GPC5: variants seen among roughly 807,000 people sequenced by gnomAD.
GPC5 encodes the protein glypican 5, also known as glypican-5.
A neutral mutation model predicts 53.9 loss-of-function variants in GPC5; 47 were observed. The observed-to-expected ratio is 0.87, with a 90% CI of 0.69 to 1.11. The LOEUF is 1.11. Ranked by LOEUF, GPC5 falls within the 50% of genes most tolerant of loss-of-function variation. The pLI, the probability that GPC5 is intolerant of heterozygous loss-of-function variation, is 0.00. For missense variants in GPC5, 748 were observed against 713.1 expected (o/e 1.05, Z -0.56); for synonymous variants, 286 against 263.3 (o/e 1.09, Z -0.84).
chr13:91,453,900 T>C (rs1881362374), intron 2 of GPC5, among the ~76,000 whole-genome samples: 1 of 152,076 alleles, frequency 6.6e-6, no homozygotes, highest in African/African-American at 2.4e-5. Flanking sequence ...AGTGTCAAAA[T>C]GTTAAATCCA....
intron 3 of GPC5, among the ~76,000 whole-genome samples, chr13:91,717,382 G>A (rs1475312711): frequency 6.6e-6 from 1 of 152,150 alleles, no homozygotes; most frequent in Admixed American, 6.5e-5. Context: ...ATTAATTGGG[G>A]GACCTGGAGG....
chr13:92,767,154 T>C (rs1056682754), intron 7 of GPC5, among the ~76,000 whole-genome samples: 2 of 152,146 alleles, frequency 1.3e-5, no homozygotes, highest in African/African-American at 4.8e-5. Context: ...TGTTTGTTTT[T>C]CTCTGTTAAC....
chr13:91,677,362 A>G (rs1269286935), intron 2 of GPC5, among the ~76,000 whole-genome samples: 1 of 152,248 alleles, frequency 6.6e-6, no homozygotes, highest in Non-Finnish European at 1.5e-5. Flanking sequence ...AAATTTTGAA[A>G]AAGAAATAGA....
chr13:91,635,402 C>T (rs2034261577), intron 2 of GPC5, among the ~76,000 whole-genome samples: 2 of 151,932 alleles, frequency 1.3e-5, no homozygotes. Context: ...AGGTATTTTT[C>T]AAATTAATGT....
chr13:91,866,833 G>A (rs1215594085), intron 5 of GPC5, among the ~76,000 whole-genome samples: 6 of 152,158 alleles, frequency 3.9e-5, no homozygotes, highest in Non-Finnish European at 5.9e-5. Context: ...AATTTTGCAT[G>A]TGACTTTAAA....
At chr13:91,710,947 T>A (rs2036212152) in intron 3 of GPC5, among the ~76,000 whole-genome samples, 2 of 152,208 alleles carry the variant, frequency 1.3e-5, no homozygotes, top group South Asian at 4.1e-4. Context: ...TCCACGCAGA[T>A]CATGTCAAAG....
At chr13:92,389,546 A>G (rs1874900518) in intron 7 of GPC5, among the ~76,000 whole-genome samples, 1 of 152,146 alleles carries the variant, frequency 6.6e-6, no homozygotes, top group Non-Finnish European at 1.5e-5. Flanking sequence ...TTGATCTGAT[A>G]AACTTACTAC....
intron 6 of GPC5, among the ~76,000 whole-genome samples, chr13:92,072,801 C>G (rs6492579): frequency 0.56 from 84,210 of 151,378 alleles, 23,695 homozygotes; most frequent in East Asian, 0.79. Context: ...GAATTCCTGC[C>G]CTGAAGCGAT....
At position 91,544,380 on chromosome 13, in the gene GPC5, G is replaced by T. The variant is rs200470675; in HGVS notation, c.325+95458G>T. 2.1e-4 allele frequency among the ~76,000 whole-genome samples: 32 copies of T among 152,126 alleles called. 1 individual carries two copies. The East Asian group carries it at 5.6e-3, about 27-fold the overall frequency. ...ACTACAGTTATTGTCTAGTTATATT[G>T]TATAGTGGTTAGAGATTGTGGGCAG... On this transcript the variant is annotated intron_variant, in intron 2 of 7. Transcript: ENST00000377067.
intron 7 of GPC5, among the ~76,000 whole-genome samples, chr13:92,621,202 CT>C (rs1206030366): frequency 1.3e-5 from 2 of 152,144 alleles, no homozygotes; most frequent in African/African-American, 4.8e-5. Flanking sequence ...ATGTTATCCT[CT>C]GGCTGAGGCA....
At chr13:92,685,360 A>C (rs1594418473) in intron 7 of GPC5, among the ~76,000 whole-genome samples, 1 of 151,818 alleles carries the variant, frequency 6.6e-6, no homozygotes, top group Non-Finnish European at 1.5e-5. Flanking sequence ...CTCCCAAAGT[A>C]CTAGGATTAC....
intron 7 of GPC5, among the ~76,000 whole-genome samples, chr13:92,531,709 T>C (rs1237224954): frequency 6.6e-6 from 1 of 152,194 alleles, no homozygotes; most frequent in Non-Finnish European, 1.5e-5. Context: ...TTGCCTCTGT[T>C]GACAACGAAG....
intron 7 of GPC5, among the ~76,000 whole-genome samples, chr13:92,802,978 G>C (rs187961542): frequency 1.5e-3 from 222 of 152,014 alleles, no homozygotes; most frequent in African/African-American, 5.1e-3. Flanking sequence ...TTTGGAACCT[G>C]AAGCTAATGA....
At chr13:91,836,774 C>T (rs1471642605) in intron 5 of GPC5, among the ~76,000 whole-genome samples, 1 of 151,620 alleles carries the variant, frequency 6.6e-6, no homozygotes, top group Non-Finnish European at 1.5e-5. Context: ...ACAAATTAGT[C>T]TGACTCAAAA....
At chr13:91,874,037 T>C (rs1288281960) in intron 5 of GPC5, among the ~76,000 whole-genome samples, 1 of 152,132 alleles carries the variant, frequency 6.6e-6, no homozygotes, top group Non-Finnish European at 1.5e-5. Context: ...GAAATGTGAA[T>C]CCATATCTCC....
rs1210721774 is a variant in GPC5 at position 91,571,784 on chromosome 13, TATACGTGTGTGTATATATACACACAC to T, written c.326-121379_326-121354del. Among the ~76,000 whole-genome samples the T allele has an allele frequency of 3.9e-3, 486 of 125,438 alleles. 81 individuals carry two copies. The highest frequency in any genetic ancestry group is 9.1e-3 in the African/African-American group (298 of 32,592). The allele number at this position is 125,438 out of a possible 152,430, so 82.3% of individuals were successfully genotyped here. A position where few individuals can be genotyped will look rare whatever the true frequency, so the allele number is the denominator to read the frequency against. On this transcript the variant is annotated intron_variant, in intron 2 of 7. Coordinates refer to ENST00000377067, the MANE Select transcript of GPC5 (RefSeq NM_004466.6). ...ATGTGTATGTGTATATACACACACA[TATACGTGTGTGTATATATACACACAC>T]ATACGTGTGTGTATATATACACATA...
chr13:92,734,554 T>C lies in GPC5; in HGVS notation c.1562-131728T>C, dbSNP rs1156734151. Among the ~76,000 whole-genome samples the C allele has an allele frequency of 3.3e-5, 5 of 151,918 alleles. No individual in the cohort carries two copies. The Admixed American group carries it at 3.3e-4, about 10-fold the overall frequency. ...AATTAAACAAGATAAAGAAGCACCC[T>C]TGTTTTATTTGCAGAAGTATATTTC... is the stretch of plus-strand genomic sequence containing the variant. On this transcript the variant is annotated intron_variant, in intron 7 of 7. Transcript: ENST00000377067.
At chr13:91,552,313 C>A (rs1181186098) in intron 2 of GPC5, among the ~76,000 whole-genome samples, 1 of 151,906 alleles carries the variant, frequency 6.6e-6, no homozygotes, top group African/African-American at 2.4e-5. Flanking sequence ...ATGGACACAG[C>A]TCCGTGAATA....
At chr13:91,434,462 G>A (rs544690727) in intron 1 of GPC5, among the ~76,000 whole-genome samples, 12 of 152,058 alleles carry the variant, frequency 7.9e-5, no homozygotes, top group East Asian at 3.9e-4. Context: ...ATAGGGAATC[G>A]TTTCCCCATT....
Sources: gnomAD v4.1 joint callset for allele counts (sites outside exome capture counted in the v4.1 genomes callset) on GRCh38, gnomAD v4.1.1 for gene constraint, MANE v1.5 for transcripts, NCBI Gene and HGNC (gene_info 2026-07-23, HGNC 2026-07-21) for gene names.